NRG4: variants seen among roughly 807,000 people sequenced by gnomAD.
The protein encoded by NRG4 is pro-neuregulin-4, membrane-bound isoform.
In NRG4, 10 loss-of-function variants were observed where a neutral mutation model predicts 15.0. That is an observed-to-expected ratio of 0.67 (90% CI 0.41 to 1.13). The LOEUF (loss-of-function observed/expected upper bound fraction) is 1.13, where lower values mean the gene tolerates loss of function less well. NRG4 is among the 50% of genes most tolerant of loss of function. The probability of loss-of-function intolerance (pLI) is 0.00; values close to 1 mark genes in which losing one functional copy is unlikely to be tolerated. For missense variants in NRG4, 139 were observed against 140.2 expected, an observed-to-expected ratio of 0.99 and a Z score of 0.04; for synonymous variants, 41 against 50.1, an observed-to-expected ratio of 0.82 and a Z score of 0.77.
chr15:75,997,581 C>T (rs866236709), intron 3 of NRG4, among the ~76,000 whole-genome samples: 11 of 152,084 alleles, frequency 7.2e-5, no homozygotes, highest in Non-Finnish European at 1.3e-4. Flanking sequence ...GATAGAAATA[C>T]GTCTGGGTAC....
Position 75,954,345 on chromosome 15 carries a change from T to C in NRG4, c.331+1587A>G, listed in dbSNP as rs2141794324. Among the ~76,000 whole-genome samples the C allele has an allele frequency of 1.3e-5, 2 of 152,084 alleles. 1 individual carries two copies. The highest frequency in any genetic ancestry group is 4.1e-4 in the South Asian group (2 of 4,824). On this transcript the variant is annotated intron_variant, in intron 5 of 5. Coordinates refer to ENST00000394907, the MANE Select transcript of NRG4 (RefSeq NM_138573.4). Reference sequence around the variant, plus strand: ...GTCCTTTAAAAATATATCTTCCATGTTTCTACTTGACTTTTGAATCTATGT... The same window carrying C: ...GTCCTTTAAAAATATATCTTCCATGCTTCTACTTGACTTTTGAATCTATGT...
chr15:76,048,940 G>A (rs2035935238), intron 4 of NRG4, among the ~76,000 whole-genome samples: 1 of 150,624 alleles, frequency 6.6e-6, no homozygotes, highest in African/African-American at 2.5e-5. Flanking sequence ...AGCTACTCAG[G>A]AGGCTGAGGC....
At chr15:75,992,965 T>A (rs562965571) in intron 3 of NRG4, among the ~76,000 whole-genome samples, 1 of 152,140 alleles carries the variant, frequency 6.6e-6, no homozygotes, top group African/African-American at 2.4e-5. Context: ...CTTTTATTAT[T>A]GTCTTCATCC....
intron 3 of NRG4, among the ~76,000 whole-genome samples, chr15:76,008,052 ATGG>A (rs2034671285): frequency 1.3e-5 from 2 of 152,210 alleles, no homozygotes; most frequent in South Asian, 4.1e-4. Flanking sequence ...TCTAGATGTG[ATGG>A]TGGTGGTGAT....
chr15:76,000,932 A>G (rs1443257357), intron 3 of NRG4, among the ~76,000 whole-genome samples: 2 of 152,208 alleles, frequency 1.3e-5, no homozygotes, highest in Non-Finnish European at 2.9e-5. Context: ...AGGATAGTAC[A>G]TATAGCAATA....
In NRG4 at chr15:76,049,450, T is replaced by C. The variant is rs79603011; in HGVS notation, c.-105+2617A>G. On this transcript the variant is annotated intron_variant, in intron 4 of 8. Coordinates refer to the NRG4 transcript ENST00000563910. ...TCCCATCCTCACTCTCAAACCCTCC[T>C]AACCACATTCACTCTACACCCAATT... is the stretch of plus-strand genomic sequence containing the variant. Among the ~76,000 whole-genome samples the C allele has an allele frequency of 0.014, 2,172 of 150,668 alleles. 103 individuals are homozygous for C. In the East Asian group the frequency reaches 0.15, roughly 10 times the overall value.
At chr15:76,023,661 C>G (rs772411856) in intron 5 of NRG4, among the ~76,000 whole-genome samples, 4 of 152,184 alleles carry the variant, frequency 2.6e-5, no homozygotes, top group Non-Finnish European at 5.9e-5. Context: ...GCATCCTACT[C>G]TGGGACCAGT....
chr15:76,053,643 G>A (rs866757415), intron 2 of NRG4, among the ~76,000 whole-genome samples: 1 of 150,570 alleles, frequency 6.6e-6, no homozygotes, highest in Non-Finnish European at 1.5e-5. Flanking sequence ...TGCAACCTCC[G>A]CCTCCTGGTT....
intron 4 of NRG4, among the ~76,000 whole-genome samples, chr15:76,050,476 C>T (rs8031973): frequency 0.016 from 2,028 of 127,560 alleles, 125 homozygotes; most frequent in African/African-American, 0.057. Flanking sequence ...GAGTCTCACT[C>T]TATTGCCCTG....
intron 5 of NRG4, among the ~76,000 whole-genome samples, chr15:75,944,475 T>C (rs2031329984): frequency 6.6e-6 from 1 of 152,270 alleles, no homozygotes; most frequent in East Asian, 1.9e-4. Context: ...TAGGAATACA[T>C]TGGAAAGATT....
intron 3 of NRG4, among the ~76,000 whole-genome samples, chr15:75,989,936 A>G (rs774890255): frequency 7.9e-5 from 12 of 152,234 alleles, no homozygotes; most frequent in Non-Finnish European, 1.2e-4. Context: ...GATTCTTTTA[A>G]GGCTTGGTTT....
At chr15:76,021,737 G>A (rs1224168417) in intron 5 of NRG4, among the ~76,000 whole-genome samples, 2 of 152,210 alleles carry the variant, frequency 1.3e-5, no homozygotes, top group African/African-American at 4.8e-5. Flanking sequence ...GAGACATATT[G>A]TGATGATTTT....
At chr15:75,987,872 T>C (rs1433400179) in intron 3 of NRG4, among the ~76,000 whole-genome samples, 1 of 152,170 alleles carries the variant, frequency 6.6e-6, no homozygotes, top group Admixed American at 6.5e-5. Context: ...TCAAACACTA[T>C]CTAGATGCTT....
At chr15:75,935,748 A>G (rs1244876809), downstream of NRG4, 2 of 152,090 alleles carry the variant, frequency 1.3e-5, no homozygotes, top group Non-Finnish European at 2.9e-5. Flanking sequence ...CAAAGTGAAC[A>G]TGCAAAGAAT....
At chr15:76,011,552 G>A (rs1025459878) in intron 1 of NRG4, among the ~76,000 whole-genome samples, 1 of 152,020 alleles carries the variant, frequency 6.6e-6, no homozygotes, top group African/African-American at 2.4e-5. Context: ...ATATCTCTCT[G>A]CAGAAAAGTC....
intron 5 of NRG4, among the ~76,000 whole-genome samples, chr15:76,020,053 G>A (rs1014924132): frequency 2.0e-5 from 3 of 152,078 alleles, no homozygotes; most frequent in Non-Finnish European, 2.9e-5. Flanking sequence ...TATCGGTTAT[G>A]GTGATCTGTG....
At chr15:76,038,409 TAGCATTC>T (rs987274210) in intron 4 of NRG4, among the ~76,000 whole-genome samples, 2 of 152,136 alleles carry the variant, frequency 1.3e-5, no homozygotes, top group African/African-American at 4.8e-5. Flanking sequence ...CCAGGCTTGG[TAGCATTC>T]ACCACAAGCT....
chr15:76,039,986 T>C (rs1033767954), intron 4 of NRG4, among the ~76,000 whole-genome samples: 1 of 151,804 alleles, frequency 6.6e-6, no homozygotes, highest in South Asian at 2.1e-4. Flanking sequence ...TGAGCCAAGA[T>C]TGCACTACTG....
At chr15:75,939,288 G>T (rs752727684), downstream of NRG4, 4 of 151,934 alleles carry the variant, frequency 2.6e-5, no homozygotes, top group African/African-American at 9.7e-5. Context: ...AATGAAAAGG[G>T]TTATAGAAGA....
Sources: allele counts gnomAD v4.1 joint callset (sites outside exome capture counted in the v4.1 genomes callset), GRCh38; gene constraint gnomAD v4.1.1; transcripts MANE v1.5; gene names NCBI Gene and HGNC (gene_info 2026-07-23, HGNC 2026-07-21).